Variants in ACTN2 observed in about 807,000 individuals in gnomAD.
ACTN2 encodes actinin alpha 2, also known as alpha-actinin-2.
A neutral mutation model predicts 113.8 loss-of-function variants in ACTN2; 39 were observed. That is an observed-to-expected ratio of 0.34 (90% CI 0.27 to 0.45). The LOEUF (loss-of-function observed/expected upper bound fraction) is 0.45, where lower values mean the gene tolerates loss of function less well. ACTN2 is among the 20% of genes least tolerant of loss of function. The pLI is 1.00. For missense variants in ACTN2, 992 were observed against 1,177.9 expected (o/e 0.84, Z 2.31); for synonymous variants, 429 against 444.1 (o/e 0.97, Z 0.43).
intron 10 of ACTN2, among the ~76,000 whole-genome samples, chr1:236,739,777 A>G (rs1659012742): frequency 6.6e-6 from 1 of 152,202 alleles, no homozygotes; most frequent in East Asian, 1.9e-4. Flanking sequence ...ACGCTCGATG[A>G]ACAGCCTCTT....
chr1:236,715,809 A>T (rs765877932), intron 1 of ACTN2, among the ~76,000 whole-genome samples: 2 of 152,166 alleles, frequency 1.3e-5, no homozygotes, highest in African/African-American at 2.4e-5. Context: ...TACAAAAATC[A>T]GCTAGGTGTG....
chr1:236,753,083 A>T (rs1659450586), intron 15 of ACTN2, among the ~76,000 whole-genome samples: 1 of 152,230 alleles, frequency 6.6e-6, no homozygotes, highest in Non-Finnish European at 1.5e-5. Context: ...AAGCAGGTAG[A>T]CAGGTGTATA....
At chr1:236,724,452 G>A (rs1658489004) in intron 4 of ACTN2, among the ~76,000 whole-genome samples, 1 of 152,228 alleles carries the variant, frequency 6.6e-6, no homozygotes, top group Non-Finnish European at 1.5e-5. Flanking sequence ...GAAGGGGAGG[G>A]AGCAGGAGAT....
intron 1 of ACTN2, among the ~76,000 whole-genome samples, chr1:236,716,835 A>ATT (rs36142948): frequency 0.085 from 9,852 of 116,076 alleles, 1,319 homozygotes; most frequent in African/African-American, 0.21. Context: ...CATTTTGAAC[A>ATT]TTTTTTTTTT....
rs1428788821 is a variant in ACTN2, at chr1:236,737,315, A to ATATATATATATATATATATATATATATG, written c.876+104_876+105insATATATATATATATATATATATATGTAT. 87 of 295,026 alleles carry ATATATATATATATATATATATATATATG rather than the reference A, an allele frequency of 2.9e-4. 4 individuals are homozygous for ATATATATATATATATATATATATATATG. The highest frequency in any genetic ancestry group is 1.9e-3 in the African/African-American group (81 of 43,638). The allele number at this position is 295,026 out of a possible 1,614,324, so 18.3% of individuals were successfully genotyped here. ...CGTGGGGGCATATATATATATATATATATTTTGCATTTTTCATCTCAGATA... is the reference window on the plus strand; with the variant it reads ...CGTGGGGGCATATATATATATATATATATATATATATATATATATATATATATGTATTTTGCATTTTTCATCTCAGATA... On this transcript the variant is annotated intron_variant, in intron 9 of 20. Transcript: ENST00000366578.
chr1:236,745,970 T>C (rs148247929), intron 12 of ACTN2, among the ~76,000 whole-genome samples: 3 of 152,056 alleles, frequency 2.0e-5, no homozygotes, highest in South Asian at 2.1e-4. Flanking sequence ...AAGACCATCC[T>C]GGCTAACACG....
chr1:236,687,843 G>A (rs1018191163), intron 1 of ACTN2, among the ~76,000 whole-genome samples: 13 of 152,220 alleles, frequency 8.5e-5, no homozygotes, highest in Admixed American at 3.9e-4. Context: ...TTAGCTGGAA[G>A]GAGAGATGAT....
chr1:236,735,507 A>G (rs765477284), intron 7 of ACTN2, 128 bp from the exon 8 acceptor site: 9 of 832,900 alleles, frequency 1.1e-5, no homozygotes, highest in Non-Finnish European at 1.8e-5. Flanking sequence ...CGGGCCCATG[A>G]AACACAGAAA....
Position 236,709,242 on chromosome 1 carries a change from A to ATG in ACTN2, c.127-8615_127-8614insGT, listed in dbSNP as rs1558227389. 8.0e-3 allele frequency among the ~76,000 whole-genome samples: 707 copies of ATG among 88,456 alleles called. 17 individuals are homozygous for ATG. Among genetic ancestry groups the ATG allele is most frequent in the African/African-American group, 0.024 (681 of 28,472 alleles). The allele number at this position is 88,456 out of a possible 152,430, so 58.0% of individuals were successfully genotyped here. ...ACTGTATATATATATATATATATAT[A>ATG]TATATATATATATACACACACACAC... On this transcript the variant is annotated intron_variant, in intron 1 of 20. Coordinates refer to ENST00000366578, the MANE Select transcript of ACTN2 (RefSeq NM_001103.4).
chr1:236,751,219 T>C (rs1383272728), intron 14 of ACTN2, among the ~76,000 whole-genome samples: 1 of 150,568 alleles, frequency 6.6e-6, no homozygotes, highest in African/African-American at 2.5e-5. Context: ...TTAAAAAAAA[T>C]TATTTTTTAA....
In ACTN2 at chr1:236,747,243, T is replaced by A. The variant is rs191795837; in HGVS notation, c.1407-424T>A. 2.0e-3 allele frequency among the ~76,000 whole-genome samples: 305 copies of A among 152,346 alleles called. 1 individual carries two copies. Among genetic ancestry groups the A allele is most frequent in the Non-Finnish European group, 3.2e-3 (217 of 68,032 alleles). The stretch of plus-strand genomic sequence containing the variant: ...GGCCAGCGAAAGTTTTATGAATTCT[T>A]CTTGTGATTTATCTGAGAGGAGTGA... On this transcript the variant is annotated intron_variant, in intron 12 of 20. Coordinates refer to ENST00000366578, the MANE Select transcript of ACTN2 (RefSeq NM_001103.4).
At chr1:236,753,870 A>T (rs751642442) in intron 15 of ACTN2, 77 bp from the exon 16 acceptor site, 10 of 1,088,480 alleles carry the variant, frequency 9.2e-6, no homozygotes, top group Non-Finnish European at 1.3e-5. Flanking sequence ...CACCCCTTGG[A>T]CTATTCCCGC....
intron 1 of ACTN2, among the ~76,000 whole-genome samples, chr1:236,691,440 TGAGACTGGCCTGG>T (rs1666079654): frequency 6.6e-6 from 1 of 151,794 alleles, no homozygotes; most frequent in Admixed American, 6.6e-5. Context: ...CCCAGGAGTT[TGAGACTGGCCTGG>T]GCAACACAGC....
chr1:236,758,338 T>A (rs1046017260), intron 18 of ACTN2, among the ~76,000 whole-genome samples: 11 of 149,666 alleles, frequency 7.3e-5, no homozygotes, highest in Non-Finnish European at 1.5e-4. Context: ...CAGGCTGGAG[T>A]GCAGTGGCAT....
chr1:236,702,019 T>A (rs916601807), intron 1 of ACTN2, among the ~76,000 whole-genome samples: 3 of 152,172 alleles, frequency 2.0e-5, no homozygotes, highest in African/African-American at 7.2e-5. Flanking sequence ...CGTAACTGGA[T>A]ATTAAGGACT....
chr1:236,755,008 G>T lies in ACTN2; in HGVS notation c.1975-11G>T, dbSNP rs752102279. ...TGCTTCTCTCTCTGCTTGCTCACTC[G>T]CCCCCCTCAGGAGATTGCCCGGAGC... On this transcript the variant is annotated splice_polypyrimidine_tract_variant and intron_variant, in intron 16 of 20. Transcript: ENST00000366578. 3.1e-6 allele frequency: 5 copies of T among 1,614,018 alleles called. No homozygotes were observed. The highest frequency in any genetic ancestry group is 1.7e-5 in the Admixed American group (1 of 60,012).
chr1:236,719,075 C>A (rs555617678), intron 3 of ACTN2, 62 bp downstream of exon 3: 398 of 1,607,194 alleles, frequency 2.5e-4, no homozygotes, highest in Middle Eastern at 1.9e-3. Flanking sequence ...GTGTGGGCTG[C>A]GACTTGAATT....
chr1:236,697,317 C>T (rs888962832), intron 1 of ACTN2, among the ~76,000 whole-genome samples: 1 of 152,020 alleles, frequency 6.6e-6, no homozygotes, highest in East Asian at 1.9e-4. Context: ...CAGAGCAAGA[C>T]CCTGTCTCAA....
intron 12 of ACTN2, among the ~76,000 whole-genome samples, chr1:236,746,429 T>G (rs1433068453): frequency 6.6e-6 from 1 of 152,084 alleles, no homozygotes; most frequent in African/African-American, 2.4e-5. Context: ...TGCTTTAGGT[T>G]GGGTGCAGTG....
Sources: gnomAD v4.1 joint callset for allele counts (sites outside exome capture counted in the v4.1 genomes callset) on GRCh38, gnomAD v4.1.1 for gene constraint, MANE v1.5 for transcripts, NCBI Gene and HGNC (gene_info 2026-07-23, HGNC 2026-07-21) for gene names.